FAM13A: variants seen among roughly 807,000 people sequenced by gnomAD.
The protein encoded by FAM13A is family with sequence similarity 13 member A.
A neutral mutation model predicts 129.6 loss-of-function variants in FAM13A; 76 were observed. The observed-to-expected ratio is 0.59, with a 90% CI of 0.49 to 0.71. FAM13A has a LOEUF of 0.71. FAM13A is among the 30% of genes least tolerant of loss of function. The probability of loss-of-function intolerance (pLI) is 0.00; values close to 1 mark genes in which losing one functional copy is unlikely to be tolerated. For missense variants in FAM13A, 1,108 were observed against 1,249.3 expected (o/e 0.89, Z 1.70); for synonymous variants, 443 against 449.9 (o/e 0.98, Z 0.20).
intron 6 of FAM13A, among the ~76,000 whole-genome samples, chr4:88,890,790 A>C (rs1366471748): frequency 6.6e-6 from 1 of 152,210 alleles, no homozygotes; most frequent in Non-Finnish European, 1.5e-5. Context: ...AGAAGGTCTC[A>C]AAAGAGAATA....
intron 2 of FAM13A, among the ~76,000 whole-genome samples, chr4:89,028,187 C>T (rs1017273359): frequency 7.8e-6 from 1 of 127,632 alleles, no homozygotes; most frequent in East Asian, 2.3e-4. Flanking sequence ...GCCTGGGCTA[C>T]AAAAGCTAAC....
At chr4:88,747,157 A>T (rs1448937103) in intron 18 of FAM13A, 142 bp from the exon 19 acceptor site, 1 of 624,648 alleles carries the variant, frequency 1.6e-6, no homozygotes, top group Admixed American at 2.9e-5. Flanking sequence ...GTTCATTTAA[A>T]AATGGGTTAC....
chr4:88,997,222 G>A (rs116534002), intron 3 of FAM13A, among the ~76,000 whole-genome samples: 2,216 of 152,190 alleles, frequency 0.015, 70 homozygotes, highest in African/African-American at 0.051. Flanking sequence ...GTTATAATTC[G>A]TAAGTCCAAA....
chr4:88,791,970 C>G (rs9991328), intron 8 of FAM13A, among the ~76,000 whole-genome samples: 1 of 151,786 alleles, frequency 6.6e-6, no homozygotes. Context: ...TTTTCTTTAG[C>G]TAAAGCTGTA....
intron 1 of FAM13A, 187 bp from the exon 2 acceptor site, chr4:89,029,836 T>C: frequency 1.6e-6 from 1 of 615,674 alleles, no homozygotes; most frequent in Non-Finnish European, 2.8e-6. Flanking sequence ...TTAAAAGGAC[T>C]GAAAAGTAAT....
At chr4:88,818,429 TATGTTTTCTGATG>T (rs1277494948) in intron 7 of FAM13A, among the ~76,000 whole-genome samples, 6 of 152,228 alleles carry the variant, frequency 3.9e-5, no homozygotes, top group African/African-American at 2.4e-5. Flanking sequence ...AGTGTCTATA[TATGTTTTCTGATG>T]GCAAGTTTAC....
At chr4:89,045,734 T>C (rs1389747284) in intron 1 of FAM13A, among the ~76,000 whole-genome samples, 2 of 152,148 alleles carry the variant, frequency 1.3e-5, no homozygotes, top group Admixed American at 6.5e-5. Context: ...AAAGAAAGTA[T>C]GAGCCAAGGC....
chr4:88,817,300 T>C (rs1730944319), intron 7 of FAM13A, among the ~76,000 whole-genome samples: 1 of 152,184 alleles, frequency 6.6e-6, no homozygotes, highest in African/African-American at 2.4e-5. Context: ...TGGTGGCTCA[T>C]GCCTGTAATC....
chr4:88,836,741 C>A (rs1487699402), intron 7 of FAM13A, among the ~76,000 whole-genome samples: 1 of 152,084 alleles, frequency 6.6e-6, no homozygotes, highest in African/African-American at 2.4e-5. Context: ...GGGTGGATCA[C>A]CTGAGGTCGG....
At chr4:88,800,354 G>A (rs1286282120) in intron 8 of FAM13A, among the ~76,000 whole-genome samples, 1 of 152,116 alleles carries the variant, frequency 6.6e-6, no homozygotes, top group Non-Finnish European at 1.5e-5. Flanking sequence ...AAACAGCAGA[G>A]CTCCACAGGC....
intron 6 of FAM13A, among the ~76,000 whole-genome samples, chr4:88,888,244 C>T (rs555004760): frequency 1.8e-4 from 28 of 152,284 alleles, no homozygotes; most frequent in African/African-American, 6.5e-4. Flanking sequence ...AATTTAACAG[C>T]ACATATGGTT....
intron 3 of FAM13A, among the ~76,000 whole-genome samples, chr4:88,993,816 A>C (rs1763215098): frequency 1.3e-5 from 2 of 152,010 alleles, no homozygotes. Flanking sequence ...CTGACCAACA[A>C]GATGAAACCC....
chr4:88,954,402 T>C (rs1757418556), intron 4 of FAM13A, among the ~76,000 whole-genome samples: 2 of 152,184 alleles, frequency 1.3e-5, no homozygotes, highest in African/African-American at 4.8e-5. Flanking sequence ...CGTCCTTTCA[T>C]CTATCAATCA....
chr4:88,771,530 A>G (rs553447420), intron 11 of FAM13A, among the ~76,000 whole-genome samples: 5 of 152,318 alleles, frequency 3.3e-5, no homozygotes, highest in Admixed American at 2.6e-4. Context: ...CAGGCGTAGT[A>G]AGAGTAGTCC....
At chr4:88,733,847 C>T (rs918273508) in intron 21 of FAM13A, among the ~76,000 whole-genome samples, 1 of 152,216 alleles carries the variant, frequency 6.6e-6, no homozygotes, top group African/African-American at 2.4e-5. Context: ...AAGAACTTAA[C>T]GACCTTTAAT....
intron 19 of FAM13A, among the ~76,000 whole-genome samples, chr4:88,741,837 T>C (rs1740331777): frequency 6.6e-6 from 1 of 152,180 alleles, no homozygotes; most frequent in African/African-American, 2.4e-5. Context: ...AAGCATTTCG[T>C]ATAAGGGATA....
chr4:89,003,167 C>T (rs916632708), intron 3 of FAM13A, among the ~76,000 whole-genome samples: 3 of 151,576 alleles, frequency 2.0e-5, no homozygotes, highest in Admixed American at 2.0e-4. Flanking sequence ...ACATCTACAA[C>T]CAATACAAGT....
chr4:88,944,395 A>C (rs1391644861), intron 4 of FAM13A, among the ~76,000 whole-genome samples: 1 of 152,202 alleles, frequency 6.6e-6, no homozygotes, highest in Non-Finnish European at 1.5e-5. Context: ...ACATCATGTA[A>C]CTGGAAACAT....
At chr4:88,790,725 C>G in intron 8 of FAM13A, 98 bp from the exon 9 acceptor site, 1 of 986,890 alleles carries the variant, frequency 1.0e-6, no homozygotes, top group Non-Finnish European at 1.6e-6. Context: ...GAAATTAGCT[C>G]AGTCCCAAGT....
Sources: gnomAD v4.1 joint callset for allele counts (sites outside exome capture counted in the v4.1 genomes callset) on GRCh38, gnomAD v4.1.1 for gene constraint, MANE v1.5 for transcripts, NCBI Gene and HGNC (gene_info 2026-07-23, HGNC 2026-07-21) for gene names.